Variants in R3HDM2 observed in about 807,000 individuals in gnomAD.
R3HDM2 encodes R3H domain-containing protein 2.
R3HDM2 carries 38 observed loss-of-function variants against 124.5 expected under a neutral mutation model. The ratio of observed to expected loss-of-function variants is 0.31; its 90% CI spans 0.24 to 0.40. The LOEUF (loss-of-function observed/expected upper bound fraction) is 0.40, where lower values mean the gene tolerates loss of function less well. Ranked by LOEUF, R3HDM2 falls within the 10% of genes least tolerant of loss-of-function variation. R3HDM2 has a pLI of 1.00. For synonymous variants in R3HDM2, 391 were observed against 448.0 expected (o/e 0.87, Z 1.61); for missense variants, 869 against 1,236.9 (o/e 0.70, Z 4.46).
At position 57,295,361 on chromosome 12, in the gene R3HDM2, A is replaced by G; in HGVS notation, c.810+38T>C. 2.1e-6 allele frequency: 3 copies of G among 1,409,206 alleles called. No homozygotes were observed. The East Asian group carries it at 7.4e-5, about 35-fold the overall frequency. The allele number at this position is 1,409,206 out of a possible 1,614,324, so 87.3% of individuals were successfully genotyped here. A position where few individuals can be genotyped will look rare whatever the true frequency, so the allele number is the denominator to read the frequency against. ...CTCCCTTCCCAGTTTCTCTTACTGC[A>G]AACTCTCTATATAGGCCCACCCCTT... On this transcript the variant is annotated intron_variant, in intron 10 of 23. Coordinates refer to ENST00000402412, the MANE Select transcript of R3HDM2 (RefSeq NM_001394031.1).
chr12:57,263,901 A>C (rs1276276423), intron 19 of R3HDM2, among the ~76,000 whole-genome samples: 1 of 152,180 alleles, frequency 6.6e-6, no homozygotes, highest in Non-Finnish European at 1.5e-5. Context: ...TTCCATTTCT[A>C]AATAGGGAAA....
intron 2 of R3HDM2, among the ~76,000 whole-genome samples, chr12:57,333,309 T>C (rs1416019748): frequency 6.6e-6 from 1 of 151,972 alleles, no homozygotes; most frequent in Non-Finnish European, 1.5e-5. Flanking sequence ...GGATCTACCA[T>C]GTCAGATTGG....
chr12:57,398,107 G>GT (rs1594470568), intron 1 of R3HDM2, among the ~76,000 whole-genome samples: 2 of 151,368 alleles, frequency 1.3e-5, no homozygotes, highest in East Asian at 3.9e-4. Context: ...CTTGAAACTG[G>GT]TGGTGGGGGT....
chr12:57,295,266 A>G, intron 10 of R3HDM2, 133 bp downstream of exon 10: 2 of 656,768 alleles, frequency 3.0e-6, no homozygotes, highest in Non-Finnish European at 2.7e-6. Context: ...GCCAAAGCCA[A>G]CTCCGTATAG....
chr12:57,402,933 T>A (rs895838375), intron 1 of R3HDM2, among the ~76,000 whole-genome samples: 1 of 152,140 alleles, frequency 6.6e-6, no homozygotes, highest in Non-Finnish European at 1.5e-5. Context: ...ACCATTTTTG[T>A]AAAATGGGGG....
At chr12:57,302,200 G>A (rs532081895) in intron 4 of R3HDM2, among the ~76,000 whole-genome samples, 3 of 152,160 alleles carry the variant, frequency 2.0e-5, no homozygotes, top group Admixed American at 1.3e-4. Context: ...AGAATCACTT[G>A]AACACGGAAG....
intron 4 of R3HDM2, 131 bp from the exon 5 acceptor site, chr12:57,300,312 T>A: frequency 1.4e-6 from 1 of 715,214 alleles, no homozygotes; most frequent in Non-Finnish European, 2.3e-6. Context: ...CTGTTTCCAT[T>A]AAACAGGGGT....
At chr12:57,363,196 T>G (rs2062157655) in intron 2 of R3HDM2, among the ~76,000 whole-genome samples, 1 of 152,230 alleles carries the variant, frequency 6.6e-6, no homozygotes, top group Non-Finnish European at 1.5e-5. Context: ...TCTGTAGCGG[T>G]GGTCTGATGG....
At chr12:57,346,380 C>T (rs1428586293) in intron 2 of R3HDM2, among the ~76,000 whole-genome samples, 1 of 151,492 alleles carries the variant, frequency 6.6e-6, no homozygotes. Flanking sequence ...ATCACTTGAA[C>T]CCAGGAGGCA....
At chr12:57,310,485 T>TA in intron 2 of R3HDM2, 22 bp from the exon 3 acceptor site, 1 of 1,328,362 alleles carries the variant, frequency 7.5e-7, no homozygotes, top group Non-Finnish European at 9.9e-7. Flanking sequence ...TCAAATGCAT[T>TA]AAGCAGGAGG....
At position 57,258,726 on chromosome 12, in the gene R3HDM2, TATTA is replaced by T. The variant is rs955382046; in HGVS notation, c.2301+160_2301+163del. 5.3e-4 allele frequency among the ~76,000 whole-genome samples: 81 copies of T among 152,150 alleles called. 1 individual carries two copies. Among genetic ancestry groups the T allele is most frequent in the African/African-American group, 1.9e-3 (80 of 41,428 alleles). The stretch of plus-strand genomic sequence containing the variant: ...TGTGTATCCCACCTGCCACCTTATA[TATTA>T]GGTTCCTTAAAAGAGGATGCTGTCT... On this transcript the variant is annotated intron_variant, in intron 20 of 23. Transcript: ENST00000402412.
intron 1 of R3HDM2, among the ~76,000 whole-genome samples, chr12:57,401,350 A>C (rs2068031371): frequency 6.6e-6 from 1 of 152,020 alleles, no homozygotes; most frequent in African/African-American, 2.4e-5. Context: ...ACCATCATGC[A>C]AAGAAGCCAA....
At chr12:57,371,930 C>T (rs983809226) in intron 2 of R3HDM2, among the ~76,000 whole-genome samples, 1 of 152,162 alleles carries the variant, frequency 6.6e-6, no homozygotes, top group African/African-American at 2.4e-5. Flanking sequence ...TGCAATGGTG[C>T]GGTCTCGGCT....
intron 1 of R3HDM2, among the ~76,000 whole-genome samples, chr12:57,413,883 G>A (rs1379258962): frequency 7.8e-6 from 1 of 128,970 alleles, no homozygotes; most frequent in East Asian, 2.4e-4. Flanking sequence ...GTCTCACGCT[G>A]TCACCTAGGC....
At chr12:57,290,131 T>C (rs1174958038) in intron 11 of R3HDM2, among the ~76,000 whole-genome samples, 2 of 152,170 alleles carry the variant, frequency 1.3e-5, no homozygotes, top group East Asian at 1.9e-4. Context: ...TTTGTTATGG[T>C]TGTAGGTAGA....
At chr12:57,297,869 C>T in intron 7 of R3HDM2, 1 of 560,270 alleles carries the variant, frequency 1.8e-6, no homozygotes. Flanking sequence ...CTGCATTCTT[C>T]TTTCACAGAA....
At chr12:57,287,592 G>A (rs1308999138) in intron 12 of R3HDM2, among the ~76,000 whole-genome samples, 1 of 152,158 alleles carries the variant, frequency 6.6e-6, no homozygotes, top group Non-Finnish European at 1.5e-5. Flanking sequence ...ACAGGGAAAG[G>A]ACAACTACAG....
intron 2 of R3HDM2, among the ~76,000 whole-genome samples, chr12:57,322,086 A>G (rs1034093087): frequency 6.6e-6 from 1 of 152,010 alleles, no homozygotes; most frequent in Non-Finnish European, 1.5e-5. Flanking sequence ...AAATTAGCCG[A>G]GTGTGGTGGC....
intron 2 of R3HDM2, among the ~76,000 whole-genome samples, chr12:57,366,979 G>A (rs560268465): frequency 2.0e-5 from 3 of 152,108 alleles, no homozygotes; most frequent in Admixed American, 6.5e-5. Flanking sequence ...GAGCCACCAC[G>A]CCCAGTCTGG....
Sources: allele counts gnomAD v4.1 joint callset (sites outside exome capture counted in the v4.1 genomes callset), GRCh38; gene constraint gnomAD v4.1.1; transcripts MANE v1.5; gene names NCBI Gene and HGNC (gene_info 2026-07-23, HGNC 2026-07-21).